Variants in ZBTB38 observed in about 807,000 individuals in gnomAD.
ZBTB38 encodes zinc finger and BTB domain-containing protein 38.
A neutral mutation model predicts 76.8 loss-of-function variants in ZBTB38; 20 were observed. The ratio of observed to expected loss-of-function variants is 0.26; its 90% confidence interval spans 0.18 to 0.38. ZBTB38 has a LOEUF of 0.38. Ranked by LOEUF, ZBTB38 falls within the 10% of genes least tolerant of loss-of-function variation. ZBTB38 has a pLI of 1.00. For missense variants in ZBTB38, 1,082 were observed against 1,482.3 expected, an observed-to-expected ratio of 0.73 and a Z score of 4.43; for synonymous variants, 504 against 544.2, an observed-to-expected ratio of 0.93 and a Z score of 1.03.
intron 4 of ZBTB38, among the ~76,000 whole-genome samples, chr3:141,403,640 G>A (rs889373379): frequency 2.0e-5 from 3 of 152,176 alleles, no homozygotes; most frequent in African/African-American, 4.8e-5. Flanking sequence ...CCAGGCCTTG[G>A]AATCAATTGA....
At chr3:141,431,341 A>AATATATATATATATATATATATATATAT (rs1553771301) in intron 5 of ZBTB38, among the ~76,000 whole-genome samples, 16 of 103,244 alleles carry the variant, frequency 1.5e-4, no homozygotes, top group Middle Eastern at 4.1e-3. Context: ...AAAAAAAAAA[A>AATATATATATATATATATATATATATAT]ATATATATAT....
intron 5 of ZBTB38, among the ~76,000 whole-genome samples, chr3:141,425,228 C>G (rs1397478312): frequency 4.6e-5 from 7 of 152,298 alleles, no homozygotes; most frequent in East Asian, 1.9e-4. Context: ...AGTAACAATG[C>G]TTTGCGAGTC....
At chr3:141,421,276 CTCTT>C (rs2075302202) in intron 5 of ZBTB38, among the ~76,000 whole-genome samples, 1 of 144,950 alleles carries the variant, frequency 6.9e-6, no homozygotes, top group Non-Finnish European at 1.5e-5. Context: ...AGAAACTTCT[CTCTT>C]TTTTTTTTTT....
intron 1 of ZBTB38, among the ~76,000 whole-genome samples, chr3:141,361,383 GT>G (rs1943821765): frequency 6.6e-6 from 1 of 152,168 alleles, no homozygotes; most frequent in African/African-American, 2.4e-5. Flanking sequence ...ATCTAGTTCT[GT>G]TCCTGGTCCT....
At chr3:141,411,150 A>G (rs930817854) in intron 5 of ZBTB38, among the ~76,000 whole-genome samples, 14 of 152,216 alleles carry the variant, frequency 9.2e-5, no homozygotes, top group African/African-American at 3.4e-4. Flanking sequence ...AATTCAGTCC[A>G]AACAAAGATG....
At position 141,418,443 on chromosome 3, in the gene ZBTB38, C is replaced by A. The variant is rs368901552; in HGVS notation, c.-1+14412C>A. Among the ~76,000 whole-genome samples, 17 of 152,322 alleles carry A rather than the reference C, an allele frequency of 1.1e-4. No homozygotes were observed. In the East Asian group the frequency reaches 2.1e-3, roughly 19 times the overall value. On this transcript the variant is annotated intron_variant, in intron 5 of 5. Coordinates refer to ENST00000321464, the MANE Select transcript of ZBTB38 (RefSeq NM_001376113.1). ...CCCTCCCTTGCACTGACTCCTGTTC[C>A]CCAGTTTAAGGCTGCTTCCTCCAGA... is the stretch of plus-strand genomic sequence containing the variant.
At chr3:141,370,304 C>A (rs968629142) in intron 2 of ZBTB38, among the ~76,000 whole-genome samples, 1 of 152,190 alleles carries the variant, frequency 6.6e-6, no homozygotes, top group Non-Finnish European at 1.5e-5. Flanking sequence ...AAGAAAAGAG[C>A]ATGAAAAAGT....
At position 141,444,595 on chromosome 3, in the gene ZBTB38, T is replaced by C; in HGVS notation, c.2207T>C (p.Met736Thr). 1.9e-6 allele frequency: 3 copies of C among 1,614,178 alleles called. No individual in the cohort carries two copies. In the South Asian group the frequency reaches 3.3e-5, roughly 18 times the overall value. Reference sequence around the variant, plus strand: ...ATGCACAGCAATGCCATTGCTGCCATGACCAGCAGCAACCACAGAGCCTTT... The same window carrying C: ...ATGCACAGCAATGCCATTGCTGCCACGACCAGCAGCAACCACAGAGCCTTT... ...VIMHSNAIAA[M>T]TSSNHRAFSD... Residue 736 changes from methionine (M) to threonine (T), a missense_variant, in exon 6 of 6, where the codon ATG becomes ACG. Coordinates refer to ENST00000321464, the MANE Select transcript of ZBTB38 (RefSeq NM_001376113.1). The surrounding 1 kb of genome is among the most constrained non-coding windows in gnomAD (Gnocchi z 5.1).
chr3:141,366,517 T>G (rs963986234), upstream of ZBTB38: 3 of 152,262 alleles, frequency 2.0e-5, no homozygotes, highest in African/African-American at 7.2e-5. Context: ...ATTAAAAGCA[T>G]GTAGCTTTCT....
intron 1 of ZBTB38, among the ~76,000 whole-genome samples, chr3:141,325,222 A>G (rs974163041): frequency 7.2e-5 from 11 of 152,270 alleles, no homozygotes; most frequent in African/African-American, 2.7e-4. Flanking sequence ...CCTGCCATTT[A>G]GTAAAATTAA....
intron 1 of ZBTB38, among the ~76,000 whole-genome samples, chr3:141,356,389 T>C (rs16851365): frequency 0.043 from 6,563 of 151,882 alleles, 491 homozygotes; most frequent in African/African-American, 0.15. Context: ...AGGGACACCT[T>C]TTCTCACTCA....
At position 141,445,850 on chromosome 3, in the gene ZBTB38, G is replaced by A. The variant is rs1250856175; in HGVS notation, c.3462G>A (p.Gln1154=). The A allele has an allele frequency of 5.0e-6, 8 of 1,613,872 alleles. 1 individual carries two copies. In the South Asian group the frequency reaches 8.8e-5, roughly 18 times the overall value. The change falls in exon 6 of 6, where the codon CAG becomes CAA. Residue 1154 remains glutamine, a synonymous_variant. Coordinates refer to ENST00000321464, the MANE Select transcript of ZBTB38 (RefSeq NM_001376113.1). The surrounding 1 kb of genome is among the most constrained non-coding windows in gnomAD (Gnocchi z 6.5). ...QKKHLFKSPS[Q]QEKIGDVCHE... ...AACACTTATTCAAAAGCCCAAGTCA[G>A]CAGGAGAAAATAGGTGACGTGTGCC...
chr3:141,446,021 T>G lies in ZBTB38; in HGVS notation c.*45T>G, dbSNP rs2081064126. 3 of 1,484,632 alleles carry G rather than the reference T, an allele frequency of 2.0e-6. No individual in the cohort carries two copies. The highest frequency in any genetic ancestry group is 2.7e-6 in the Non-Finnish European group (3 of 1,114,098). The allele number at this position is 1,484,632 out of a possible 1,614,324, so 92.0% of individuals were successfully genotyped here. ...TCTTCAAAAATATAGTTGGTGGTTT[T>G]TTTAGTTATGATTTAAGTTTAGTTT... On this transcript the variant is annotated 3_prime_UTR_variant, in exon 6 of 6. Coordinates refer to ENST00000321464, the MANE Select transcript of ZBTB38 (RefSeq NM_001376113.1).
intron 2 of ZBTB38, among the ~76,000 whole-genome samples, chr3:141,380,612 A>G (rs1946070905): frequency 6.6e-6 from 1 of 152,238 alleles, no homozygotes; most frequent in Admixed American, 6.5e-5. Context: ...CCATGGTGTT[A>G]GGAAATGCTC....
intron 5 of ZBTB38, among the ~76,000 whole-genome samples, chr3:141,408,047 A>C (rs1351897559): frequency 2.0e-5 from 3 of 152,368 alleles, no homozygotes; most frequent in African/African-American, 7.2e-5. Context: ...CCATGGCCAG[A>C]GTTTGCAAAA....
intron 1 of ZBTB38, among the ~76,000 whole-genome samples, chr3:141,335,618 G>A (rs570173445): frequency 1.4e-3 from 213 of 152,318 alleles, no homozygotes; most frequent in Non-Finnish European, 9.9e-4. Context: ...CAGGCCTTCC[G>A]TGGCTGCTGC....
chr3:141,418,815 G>A (rs571735443), intron 5 of ZBTB38, among the ~76,000 whole-genome samples: 14 of 152,300 alleles, frequency 9.2e-5, no homozygotes, highest in Admixed American at 8.5e-4. Context: ...CTTCTCAGGT[G>A]TTATTCTCAT....
chr3:141,433,531 C>G (rs2078073294), intron 5 of ZBTB38, among the ~76,000 whole-genome samples: 1 of 152,052 alleles, frequency 6.6e-6, no homozygotes, highest in Admixed American at 6.6e-5. Context: ...TTTGCCACTA[C>G]TTTTAATTGC....
intron 2 of ZBTB38, among the ~76,000 whole-genome samples, chr3:141,372,120 A>G (rs1368318333): frequency 6.6e-6 from 1 of 152,230 alleles, no homozygotes; most frequent in Non-Finnish European, 1.5e-5. Flanking sequence ...AATTTGCCAC[A>G]GCTTCTCAGA....
Sources: gnomAD v4.1 joint callset for allele counts (sites outside exome capture counted in the v4.1 genomes callset) on GRCh38, gnomAD v4.1.1 for gene constraint, Gnocchi (gnomAD v3.1) non-coding constraint, MANE v1.5 for transcripts, NCBI Gene and HGNC (gene_info 2026-07-23, HGNC 2026-07-21) for gene names.